ELOVL6: variants seen among roughly 807,000 people sequenced by gnomAD.
The protein encoded by ELOVL6 is very long chain fatty acid elongase 6.
A neutral mutation model predicts 31.7 loss-of-function variants in ELOVL6; 8 were observed. The observed-to-expected ratio is 0.25, with a 90% CI of 0.15 to 0.45. The LOEUF is 0.45. Ranked by LOEUF, ELOVL6 falls within the 20% of genes least tolerant of loss-of-function variation. ELOVL6 has a pLI of 1.00. For synonymous variants in ELOVL6, 101 were observed against 117.7 expected, an observed-to-expected ratio of 0.86 and a Z score of 0.92; for missense variants, 126 against 326.4, an observed-to-expected ratio of 0.39 and a Z score of 4.73.
At chr4:110,068,411 C>T (rs1220497468) in intron 2 of ELOVL6, among the ~76,000 whole-genome samples, 3 of 152,146 alleles carry the variant, frequency 2.0e-5, no homozygotes, top group Non-Finnish European at 4.4e-5. Context: ...TCTTCGTGGA[C>T]AATATGATCC....
At chr4:110,064,377 A>G (rs1482013222) in intron 2 of ELOVL6, among the ~76,000 whole-genome samples, 1 of 151,676 alleles carries the variant, frequency 6.6e-6, no homozygotes, top group Non-Finnish European at 1.5e-5. Flanking sequence ...GGCCAAGAAT[A>G]TCCATTATAC....
intron 1 of ELOVL6, among the ~76,000 whole-genome samples, chr4:110,112,871 C>G (rs1236984129): frequency 6.6e-6 from 1 of 151,524 alleles, no homozygotes. Flanking sequence ...AAGACTCCAT[C>G]TCAGAAACGA....
intron 1 of ELOVL6, among the ~76,000 whole-genome samples, chr4:110,130,551 A>G (rs1343784250): frequency 6.6e-6 from 1 of 152,228 alleles, no homozygotes; most frequent in Non-Finnish European, 1.5e-5. Context: ...CTAAAGCAAA[A>G]CCAACACAGT....
chr4:110,124,678 C>G (rs982084831), intron 1 of ELOVL6, among the ~76,000 whole-genome samples: 3 of 151,304 alleles, frequency 2.0e-5, no homozygotes, highest in Admixed American at 2.0e-4. Flanking sequence ...ATGTAACAAA[C>G]CTGTACATTC....
chr4:110,187,696 A>G (rs1205450165), intron 1 of ELOVL6, among the ~76,000 whole-genome samples: 1 of 99,756 alleles, frequency 1.0e-5, no homozygotes, highest in South Asian at 3.7e-4. Flanking sequence ...AACTCCATCT[A>G]AAAAAAAAAA....
Position 110,090,058 on chromosome 4 carries a change from A to G in ELOVL6, c.221+15439T>C, listed in dbSNP as rs192099107. ...GTTTTCTCATTTGTAAAATGAAAAT[A>G]AAGTACATACCTCAAGGCAGTCTTG... On this transcript the variant is annotated intron_variant, in intron 2 of 3. Coordinates refer to ENST00000302274, the MANE Select transcript of ELOVL6 (RefSeq NM_024090.3). 8.4e-4 allele frequency among the ~76,000 whole-genome samples: 128 copies of G among 152,376 alleles called. 3 individuals carry two copies. Among genetic ancestry groups the G allele is most frequent in the Admixed American group, 7.2e-3 (110 of 15,308 alleles).
chr4:110,198,871 T>C (rs1759906839), upstream of ELOVL6: 1 of 152,480 alleles, frequency 6.6e-6, no homozygotes, highest in Non-Finnish European at 1.5e-5. Context: ...TGAATGAAGT[T>C]TCAGCTTGCA....
intron 1 of ELOVL6, among the ~76,000 whole-genome samples, chr4:110,148,057 C>G (rs752896176): frequency 1.3e-4 from 19 of 142,486 alleles, no homozygotes; most frequent in Non-Finnish European, 2.4e-4. Context: ...TGCAGTGAGC[C>G]GAGATTGTGC....
At chr4:110,081,901 A>C (rs949671827) in intron 2 of ELOVL6, among the ~76,000 whole-genome samples, 4 of 151,054 alleles carry the variant, frequency 2.6e-5, no homozygotes, top group African/African-American at 9.7e-5. Flanking sequence ...TTACAAGAAA[A>C]AAACAAACAG....
At chr4:110,130,893 A>G (rs142463584) in intron 1 of ELOVL6, among the ~76,000 whole-genome samples, 1,653 of 152,354 alleles carry the variant, frequency 0.011, 14 homozygotes, top group Admixed American at 0.02. Flanking sequence ...ATTTAAATGC[A>G]TACAAACATA....
At chr4:110,190,004 G>A (rs542195495) in intron 1 of ELOVL6, among the ~76,000 whole-genome samples, 16 of 151,648 alleles carry the variant, frequency 1.1e-4, no homozygotes, top group Admixed American at 6.6e-4. Context: ...CCTCATGTGT[G>A]TTTTGAGGAG....
At position 110,049,389 on chromosome 4, in the gene ELOVL6, G is replaced by A. The variant is rs1274470848; in HGVS notation, c.*1949C>T. 1 of 152,500 alleles carries A rather than the reference G, an allele frequency of 6.6e-6. No individual in the cohort carries two copies. Among genetic ancestry groups the A allele is most frequent in the African/African-American group, 2.4e-5 (1 of 41,398 alleles). The allele number at this position is 152,500 out of a possible 1,614,324, so 9.4% of individuals were successfully genotyped here. On this transcript the variant is annotated 3_prime_UTR_variant, in exon 4 of 4. Coordinates refer to ENST00000302274, the MANE Select transcript of ELOVL6 (RefSeq NM_024090.3). Reference sequence around the variant, plus strand: ...GTTCACTGCTCAAACCATTCACACAGAATGGAATAAAACTTTATTCTTTTT... The same window carrying A: ...GTTCACTGCTCAAACCATTCACACAAAATGGAATAAAACTTTATTCTTTTT...
chr4:110,111,197 T>TA (rs933632739), intron 1 of ELOVL6, among the ~76,000 whole-genome samples: 2 of 152,194 alleles, frequency 1.3e-5, no homozygotes, highest in African/African-American at 4.8e-5. Flanking sequence ...TGTCACCTTT[T>TA]AAAAAATCTT....
intron 1 of ELOVL6, among the ~76,000 whole-genome samples, chr4:110,141,855 G>GTATATATATATATATATATATATATATA (rs57733252): frequency 7.9e-6 from 1 of 126,626 alleles, no homozygotes; most frequent in Non-Finnish European, 1.7e-5. Flanking sequence ...AATACAATTA[G>GTATATATATATATATATATATATATATA]TATATATATA....
At chr4:110,109,911 T>A (rs979931658) in intron 1 of ELOVL6, among the ~76,000 whole-genome samples, 1 of 152,212 alleles carries the variant, frequency 6.6e-6, no homozygotes, top group Non-Finnish European at 1.5e-5. Context: ...TTATGGCTAC[T>A]GTACACATGT....
At chr4:110,124,567 G>T (rs1423499082) in intron 1 of ELOVL6, among the ~76,000 whole-genome samples, 1 of 152,170 alleles carries the variant, frequency 6.6e-6, no homozygotes, top group African/African-American at 2.4e-5. Flanking sequence ...CAGGGAGTTA[G>T]GGGAGGGAGA....
At position 110,066,108 on chromosome 4, in the gene ELOVL6, CA is replaced by C. The variant is rs371658124; in HGVS notation, c.222-6355del. Among the ~76,000 whole-genome samples, 7 of 152,128 alleles carry C rather than the reference CA, an allele frequency of 4.6e-5. No individual in the cohort carries two copies. The East Asian group carries it at 9.7e-4, about 21-fold the overall frequency. ...GGGGTGGGAGTGGGAAAGGAGTTGT[CA>C]AAAAACAGCAACAGGTGATCCAACA... is the stretch of plus-strand genomic sequence containing the variant. On this transcript the variant is annotated intron_variant, in intron 2 of 3. Coordinates refer to ENST00000302274, the MANE Select transcript of ELOVL6 (RefSeq NM_024090.3).
rs1330689838 is a variant in ELOVL6 at position 110,047,850 on chromosome 4, A to T, written c.*3488T>A. ...GGTTGCAGTGAGTCTAGATCGCGCC[A>T]CTGCACTCCAGCCTGGGCAACAACA... On this transcript the variant is annotated 3_prime_UTR_variant, in exon 4 of 4. Transcript: ENST00000302274. 1 of 140,262 alleles carries T rather than the reference A, an allele frequency of 7.1e-6. No homozygotes were observed. Among genetic ancestry groups the T allele is most frequent in the Non-Finnish European group, 1.5e-5 (1 of 66,780 alleles). The allele number at this position is 140,262 out of a possible 1,614,324, so 8.7% of individuals were successfully genotyped here.
At chr4:110,103,259 A>G (rs1238662694) in intron 2 of ELOVL6, among the ~76,000 whole-genome samples, 2 of 152,192 alleles carry the variant, frequency 1.3e-5, no homozygotes, top group East Asian at 3.8e-4. Context: ...AGTTCTGGAC[A>G]AGAAATATAC....
Sources: allele counts gnomAD v4.1 joint callset (sites outside exome capture counted in the v4.1 genomes callset), GRCh38; gene constraint gnomAD v4.1.1; transcripts MANE v1.5; gene names NCBI Gene and HGNC (gene_info 2026-07-23, HGNC 2026-07-21).